The following FSIP2 variants were observed in gnomAD, a reference collection of about 807,000 sequenced individuals.
FSIP2 encodes fibrous sheath-interacting protein 2.
Under a neutral mutation model 510.5 loss-of-function variants are expected in FSIP2, and 367 were observed. That is an observed-to-expected ratio of 0.72 (90% CI 0.66 to 0.78). The LOEUF is 0.78. Among genes scored for constraint, FSIP2 ranks in the 30% least tolerant of loss-of-function variants. The probability of loss-of-function intolerance (pLI) is 0.00; values close to 1 mark genes in which losing one functional copy is unlikely to be tolerated. For missense variants in FSIP2, 7,594 were observed against 7,901.7 expected (o/e 0.96, Z 1.48); for synonymous variants, 2,601 against 2,732.2 (o/e 0.95, Z 1.50).
intron 21 of FSIP2, 102 bp from the exon 22 acceptor site, chr2:185,831,711 G>A (rs1360755049): frequency 2.7e-6 from 2 of 740,684 alleles, no homozygotes; most frequent in East Asian, 2.5e-5. Flanking sequence ...AGATGCTGTA[G>A]TGGTATTTAT....
In FSIP2 at chr2:185,805,741, G is replaced by A. The variant is rs1449830709; in HGVS notation, c.16435G>A (p.Asp5479Asn). 6.2e-7 allele frequency: 1 copy of A among 1,603,272 alleles called. No homozygotes were observed. The highest frequency in any genetic ancestry group is 8.5e-7 in the Non-Finnish European group (1 of 1,176,644). Residue 5479 changes from aspartate (D) to asparagine (N), a missense_variant, in exon 17 of 23, where the codon GAC becomes AAC. Physicochemically the swap from Asp to Asn is conservative, Grantham distance 23. Transcript: ENST00000424728. The part of the protein sequence containing the change: ...MNRKKSFKTK[D>N]TSVKKGDIQN... ...TAGAAAGAAAAGTTTTAAAACCAAG[G>A]ACACATCAGTGAAAAAAGGTGACAT...
chr2:185,793,404 A>G lies in FSIP2; in HGVS notation c.6268A>G (p.Ile2090Val). Residue 2090 changes from isoleucine to valine, a missense_variant, in exon 16 of 23, where the codon ATA becomes GTA. Ile to Val is a conservative substitution (Grantham distance 29). Coordinates refer to ENST00000424728, the MANE Select transcript of FSIP2 (RefSeq NM_173651.4). ...ATATCGAAAAGTACTTCAACTTCAA[A>G]TACAAGATACCATTGAAGGTATCCT... is the stretch of plus-strand genomic sequence containing the variant. ...TKYRKVLQLQ[I>V]QDTIEGILCD... The G allele has an allele frequency of 6.5e-7, 1 of 1,533,780 alleles. No individual in the cohort carries two copies.
In FSIP2 at chr2:185,795,907, T is replaced by C; in HGVS notation, c.8771T>C (p.Leu2924Pro). The change falls in exon 16 of 23, where the codon CTA (leucine) becomes CCA (proline). Residue 2924 changes from leucine to proline, a missense_variant. Leu to Pro is a moderately conservative substitution (Grantham distance 98). Transcript: ENST00000424728. ...TTTGGAAGGGAAATTGTTGAAATGC[T>C]ACTTGAAAAACTACAGCTATGCTTT... ...NMFGREIVEM[L>P]LEKLQLCFLS... is the part of the protein sequence containing the mutation. The C allele has an allele frequency of 6.5e-7, 1 of 1,533,792 alleles. No homozygotes were observed. Among genetic ancestry groups the C allele is most frequent in the Non-Finnish European group, 8.7e-7 (1 of 1,145,628 alleles).
At position 185,805,078 on chromosome 2, in the gene FSIP2, G is replaced by T; in HGVS notation, c.15772G>T (p.Glu5258Ter). The T allele has an allele frequency of 6.2e-7, 1 of 1,603,958 alleles. No homozygotes were observed. Among genetic ancestry groups the T allele is most frequent in the Non-Finnish European group, 8.5e-7 (1 of 1,176,670 alleles). ...SDLSDYDHVSELAKSGKEKTQ... is the reference protein window; with the variant it reads ...SDLSDYDHVS The stretch of plus-strand genomic sequence containing the variant: ...CTTATCTGATTATGACCATGTCTCT[G>T]AACTTGCTAAATCTGGTAAAGAAAA... Residue 5258 changes from glutamate to a stop codon, truncating the protein, a stop_gained, in exon 17 of 23, where the codon GAA becomes TAA. Transcript: ENST00000424728. LOFTEE classifies it high-confidence loss of function.
chr2:185,775,299 T>C (rs946180067), intron 13 of FSIP2, among the ~76,000 whole-genome samples: 8 of 150,480 alleles, frequency 5.3e-5, no homozygotes, highest in African/African-American at 2.0e-4. Context: ...TGGTATCTCA[T>C]TGTGGTTTTG....
chr2:185,780,416 A>C (rs1223239926), intron 13 of FSIP2, among the ~76,000 whole-genome samples: 1 of 151,620 alleles, frequency 6.6e-6, no homozygotes, highest in East Asian at 1.9e-4. Context: ...TTAGTTATTT[A>C]GTTTTTCTAT....
At chr2:185,755,736 C>T (rs1692234601) in intron 8 of FSIP2, among the ~76,000 whole-genome samples, 1 of 151,456 alleles carries the variant, frequency 6.6e-6, no homozygotes, top group African/African-American at 2.4e-5. Flanking sequence ...GCAGTGAGGA[C>T]CTTTTGCCAC....
chr2:185,808,013 AG>A lies in FSIP2; in HGVS notation c.18709del (p.Glu6237AsnfsTer7). 6.2e-7 allele frequency: 1 copy of A among 1,611,244 alleles called. No individual in the cohort carries two copies. The highest frequency in any genetic ancestry group is 8.5e-7 in the Non-Finnish European group (1 of 1,178,152). On this transcript the variant is annotated frameshift_variant, in exon 17 of 23. Coordinates refer to ENST00000424728, the MANE Select transcript of FSIP2 (RefSeq NM_173651.4). LOFTEE classifies it high-confidence loss of function. ...KSKIKLVPPT[K>X]ESPTVPVADN... Reference sequence around the variant, plus strand: ...AAGATTAAACTTGTACCACCCACCAAGGAATCACCTACTGTGCCTGTAGCTG... The same window carrying A: ...AAGATTAAACTTGTACCACCCACCAAGAATCACCTACTGTGCCTGTAGCTG...
chr2:185,821,581 G>A (rs1358463629), intron 19 of FSIP2, among the ~76,000 whole-genome samples: 2 of 151,784 alleles, frequency 1.3e-5, no homozygotes, highest in Non-Finnish European at 2.9e-5. Flanking sequence ...TATAGATCAT[G>A]ACCAAGTCGG....
chr2:185,802,238 A>AGAT lies in FSIP2; in HGVS notation c.12933_12935dup (p.Glu4311_Ile4312insMet). 6.5e-7 allele frequency: 1 copy of AGAT among 1,533,780 alleles called. No homozygotes were observed. The highest frequency in any genetic ancestry group is 8.7e-7 in the Non-Finnish European group (1 of 1,145,290). The stretch of plus-strand genomic sequence containing the variant: ...ATTCACCTTGATTCATTTGTAAGGG[A>AGAT]GATTGTTGCCAGACTTTTGTCAAAG... On this transcript the variant is annotated inframe_insertion, in exon 17 of 23. Transcript: ENST00000424728.
intron 22 of FSIP2, 84 bp from the exon 23 acceptor site, chr2:185,833,006 T>A: frequency 8.2e-7 from 1 of 1,212,610 alleles, no homozygotes; most frequent in South Asian, 1.3e-5. Flanking sequence ...TGGGCCACCT[T>A]TTACTCATAT....
Position 185,795,352 on chromosome 2 carries a change from C to A in FSIP2, c.8216C>A (p.Ala2739Asp). 1 of 1,534,280 alleles carries A rather than the reference C, an allele frequency of 6.5e-7. No homozygotes were observed. The highest frequency in any genetic ancestry group is 1.2e-5 in the South Asian group (1 of 84,014). The change falls in exon 16 of 23, where the codon GCC (alanine) becomes GAC (aspartate). Residue 2739 changes from alanine to aspartate, a missense_variant. By Grantham distance (126) the Ala-to-Asp change is moderately radical. Coordinates refer to ENST00000424728, the MANE Select transcript of FSIP2 (RefSeq NM_173651.4). ...CCCACTTCAGAACTAAAAATATATGCCAAGGATATAATAATTAACATCCTA... is the reference window on the plus strand; with the variant it reads ...CCCACTTCAGAACTAAAAATATATGACAAGGATATAATAATTAACATCCTA... ...KLPTSELKIY[A>D]KDIIINILET... is the part of the protein sequence containing the mutation.
intron 13 of FSIP2, among the ~76,000 whole-genome samples, chr2:185,775,332 G>A (rs1349793527): frequency 6.6e-6 from 1 of 150,832 alleles, no homozygotes; most frequent in Non-Finnish European, 1.5e-5. Context: ...CTGATTGCCA[G>A]TGATGGTGAG....
In FSIP2 at chr2:185,804,452, A is replaced by C; in HGVS notation, c.15146A>C (p.Asp5049Ala). 1 of 1,517,640 alleles carries C rather than the reference A, an allele frequency of 6.6e-7. No homozygotes were observed. The allele number at this position is 1,517,640 out of a possible 1,614,324, so 94.0% of individuals were successfully genotyped here. The change falls in exon 17 of 23, where the codon GAC (aspartate) becomes GCC (alanine). Residue 5049 changes from aspartate (D) to alanine (A), a missense_variant. Transcript: ENST00000424728. Reference protein sequence around the residue: ...LIQIHRVIQSDTICFGRKIYY... With the variant: ...LIQIHRVIQSATICFGRKIYY... ...CAAATACATAGGGTTATACAAAGTG[A>C]CACAATATGTTTTGGTAGGAAAATA...
Position 185,791,622 on chromosome 2 carries a change from TGTG to T in FSIP2, c.4490_4492del (p.Gly1497del), listed in dbSNP as rs748959283. ...TTTGGATTATATCCTTGCAAAATTA[TGTG>T]GTGTTGACATGGATACCAGTTTTGC... On this transcript the variant is annotated inframe_deletion, in exon 16 of 23. Coordinates refer to ENST00000424728, the MANE Select transcript of FSIP2 (RefSeq NM_173651.4). 1.1e-3 allele frequency: 1,674 copies of T among 1,534,142 alleles called. No individual in the cohort carries two copies. The highest frequency in any genetic ancestry group is 1.3e-3 in the Non-Finnish European group (1,532 of 1,145,534).
chr2:185,779,117 T>G (rs556059795), intron 13 of FSIP2, among the ~76,000 whole-genome samples: 6 of 152,186 alleles, frequency 3.9e-5, no homozygotes, highest in African/African-American at 1.4e-4. Context: ...GGATTTTGCT[T>G]TATTTTTATT....
Position 185,790,813 on chromosome 2 carries a change from G to A in FSIP2, c.3677G>A (p.Ser1226Asn), listed in dbSNP as rs908868424. ...NKYPLKTWFDSEKKMKYLSLF... is the reference protein window; with the variant it reads ...NKYPLKTWFDNEKKMKYLSLF... ...TACCCATTAAAAACATGGTTTGACA[G>A]TGAAAAGAAAATGAAATATTTATCT... The change falls in exon 16 of 23, where the codon AGT becomes AAT. Residue 1226 changes from serine to asparagine, a missense_variant. Coordinates refer to ENST00000424728, the MANE Select transcript of FSIP2 (RefSeq NM_173651.4). 1.3e-6 allele frequency: 2 copies of A among 1,532,934 alleles called. No homozygotes were observed. Among genetic ancestry groups the A allele is most frequent in the Admixed American group, 2.0e-5 (1 of 50,704 alleles). The allele number at this position is 1,532,934 out of a possible 1,614,324, so 95.0% of individuals were successfully genotyped here.
intron 21 of FSIP2, among the ~76,000 whole-genome samples, chr2:185,829,212 T>A (rs1451808836): frequency 6.6e-6 from 1 of 151,878 alleles, no homozygotes; most frequent in South Asian, 2.1e-4. Flanking sequence ...CTTTGCTACC[T>A]TTTCCATGGT....
At chr2:185,817,898 C>A (rs1693852608) in intron 19 of FSIP2, among the ~76,000 whole-genome samples, 1 of 151,720 alleles carries the variant, frequency 6.6e-6, no homozygotes, top group African/African-American at 2.4e-5. Flanking sequence ...AAAAAAGAAC[C>A]AAACAGTAAT....
Sources: allele counts gnomAD v4.1 joint callset (sites outside exome capture counted in the v4.1 genomes callset), GRCh38; gene constraint gnomAD v4.1.1; transcripts MANE v1.5; gene names NCBI Gene and HGNC (gene_info 2026-07-23, HGNC 2026-07-21).